The following NBAS variants were observed in gnomAD, a reference collection of about 807,000 sequenced individuals.
The protein encoded by NBAS is NAG/BC035112 fusion.
A neutral mutation model predicts 302.5 loss-of-function variants in NBAS; 219 were observed. The ratio of observed to expected loss-of-function variants is 0.72; its 90% CI spans 0.65 to 0.81. NBAS has a LOEUF of 0.81. Ranked by LOEUF, NBAS falls within the 30% of genes least tolerant of loss-of-function variation. The probability of loss-of-function intolerance (pLI) is 0.00; values close to 1 mark genes in which losing one functional copy is unlikely to be tolerated. For missense variants in NBAS, 2,932 were observed against 2,841.6 expected (o/e 1.03, Z -0.72); for synonymous variants, 1,118 against 1,021.6 (o/e 1.09, Z -1.80).
Position 15,234,565 on chromosome 2 carries a change from C to T in NBAS, c.6126G>A (p.Met2042Ile). ...CTTACCTCAATGCAGAAATTATTTT[C>T]ATGATTGCACTCTGCACTATATCCT... ...SPKDIVQSAIMKIISALSGGS... is the reference protein window; with the variant it reads ...SPKDIVQSAIIKIISALSGGS... Residue 2042 changes from methionine to isoleucine, a missense_variant, in exon 46 of 52, where the codon ATG becomes ATA. Coordinates refer to ENST00000281513, the MANE Select transcript of NBAS (RefSeq NM_015909.4). 3 of 1,614,020 alleles carry T rather than the reference C, an allele frequency of 1.9e-6. No homozygotes were observed. The highest frequency in any genetic ancestry group is 2.5e-6 in the Non-Finnish European group (3 of 1,179,986).
chr2:15,453,034 A>T (rs888535752), intron 21 of NBAS, among the ~76,000 whole-genome samples: 3 of 152,212 alleles, frequency 2.0e-5, no homozygotes, highest in Admixed American at 2.0e-4. Flanking sequence ...TGGTCACTAG[A>T]AGGGTGAGTG....
the NBAS span, among the ~76,000 whole-genome samples, chr2:15,086,916 G>A: frequency 6.6e-6 from 1 of 152,170 alleles, no homozygotes; most frequent in Admixed American, 6.5e-5. Flanking sequence ...CCTTCCTAAT[G>A]TGGGTGGGCC....
chr2:15,258,324 A>G (rs1161763495), intron 44 of NBAS, among the ~76,000 whole-genome samples: 1 of 152,188 alleles, frequency 6.6e-6, no homozygotes, highest in Admixed American at 6.5e-5. Context: ...GAAAATGAAC[A>G]GAATAATAGC....
the NBAS span, among the ~76,000 whole-genome samples, chr2:14,869,072 T>G: frequency 3.9e-5 from 6 of 152,198 alleles, no homozygotes; most frequent in Non-Finnish European, 1.5e-5. Flanking sequence ...TCTACTTTTG[T>G]GGTCCTCGCA....
At chr2:15,034,037 A>AAGAAGAAGAAGAAGAAGAAGAAGAAGG in the NBAS span, among the ~76,000 whole-genome samples, 3 of 42,022 alleles carry the variant, frequency 7.1e-5, no homozygotes, top group Admixed American at 3.2e-4. Context: ...GAGGAGGAGG[A>AAGAAGAAGAAGAAGAAGAAGAAGAAGG]AGGAGGAGGA....
At chr2:15,325,338 C>G (rs1407275171) in intron 38 of NBAS, among the ~76,000 whole-genome samples, 1 of 151,984 alleles carries the variant, frequency 6.6e-6, no homozygotes, top group Non-Finnish European at 1.5e-5. Context: ...AACATTATGT[C>G]TAGAAAACCA....
chr2:15,454,270 T>C (rs999066256), intron 21 of NBAS, among the ~76,000 whole-genome samples: 2 of 152,176 alleles, frequency 1.3e-5, no homozygotes, highest in African/African-American at 2.4e-5. Flanking sequence ...TCAGTAAACA[T>C]ATAATTGTCA....
chr2:15,244,847 C>T (rs1281934766), intron 44 of NBAS, among the ~76,000 whole-genome samples: 2 of 152,146 alleles, frequency 1.3e-5, no homozygotes, highest in African/African-American at 4.8e-5. Context: ...CACATCTTAT[C>T]CGCTTCTCTA....
At position 15,474,216 on chromosome 2, in the gene NBAS, G is replaced by A. The variant is rs145177445; in HGVS notation, c.1450C>T (p.Arg484Cys). 62 of 1,614,036 alleles carry A rather than the reference G, an allele frequency of 3.8e-5. No individual in the cohort carries two copies. The highest frequency in any genetic ancestry group is 3.6e-4 in the African/African-American group (27 of 74,994). ...DSDYEISAKARYFGYIKQGLY... is the reference protein window; with the variant it reads ...DSDYEISAKACYFGYIKQGLY... Reference sequence around the variant, plus strand: ...CCCTGTTTTATATAACCAAAGTAGCGAGCCTTGGCAGATATTTCATAATCA... The same window carrying A: ...CCCTGTTTTATATAACCAAAGTAGCAAGCCTTGGCAGATATTTCATAATCA... Residue 484 changes from arginine (R) to cysteine (C), a missense_variant, in exon 15 of 52, where the codon CGC becomes TGC. Transcript: ENST00000281513.
chr2:14,916,847 C>A, the NBAS span, among the ~76,000 whole-genome samples: 2 of 152,194 alleles, frequency 1.3e-5, no homozygotes, highest in African/African-American at 2.4e-5. Context: ...GGATCACATG[C>A]ACAATGTTTG....
intron 21 of NBAS, among the ~76,000 whole-genome samples, chr2:15,430,981 T>C (rs1677737778): frequency 6.6e-6 from 1 of 151,958 alleles, no homozygotes; most frequent in Non-Finnish European, 1.5e-5. Flanking sequence ...GCTAATTTTT[T>C]TTTTTTTTAG....
the NBAS span, among the ~76,000 whole-genome samples, chr2:14,854,646 A>G: frequency 2.9e-4 from 44 of 152,262 alleles, no homozygotes; most frequent in Admixed American, 2.9e-3. Context: ...GAAAACACAG[A>G]AATTGTGAGC....
intron 21 of NBAS, among the ~76,000 whole-genome samples, chr2:15,436,346 C>G (rs1678014410): frequency 6.6e-6 from 1 of 152,168 alleles, no homozygotes; most frequent in African/African-American, 2.4e-5. Flanking sequence ...GTACTTTATA[C>G]TCCCAGCACC....
At chr2:14,950,531 C>T in the NBAS span, among the ~76,000 whole-genome samples, 1 of 152,112 alleles carries the variant, frequency 6.6e-6, no homozygotes, top group East Asian at 1.9e-4. Context: ...ACTATGTACA[C>T]CTATTATGCA....
chr2:15,301,938 T>C lies in NBAS; in HGVS notation c.4797+6278A>G, dbSNP rs754305838. On this transcript the variant is annotated intron_variant, in intron 40 of 51. Transcript: ENST00000281513. ...CAGAGCATGCTGGGGCAACGGGAGA[T>C]CCTGAAGGATTTTGGGTGGAGAGGA... Among the ~76,000 whole-genome samples the C allele has an allele frequency of 4.6e-5, 7 of 151,982 alleles. No individual in the cohort carries two copies. The East Asian group carries it at 1.3e-3, about 29-fold the overall frequency.
the NBAS span, among the ~76,000 whole-genome samples, chr2:14,927,675 G>T: frequency 6.6e-6 from 1 of 152,194 alleles, no homozygotes; most frequent in African/African-American, 2.4e-5. Flanking sequence ...CACTAGCAAT[G>T]TACAGAGATT....
chr2:15,427,803 T>TA lies in NBAS; in HGVS notation c.2340-10dup, dbSNP rs142040693. The TA allele has an allele frequency of 2.3e-3, 3,671 of 1,585,852 alleles. 64 individuals are homozygous for TA. In the East Asian group the frequency reaches 0.046, roughly 20 times the overall value. On this transcript the variant is annotated splice_polypyrimidine_tract_variant and intron_variant, in intron 21 of 51. Coordinates refer to ENST00000281513, the MANE Select transcript of NBAS (RefSeq NM_015909.4). ...GGGAGTCACCGTTAAAACTCAAATT[T>TA]AAAAAAAAATAAGTGTTTAAAATTC...
At chr2:14,928,906 C>G in the NBAS span, among the ~76,000 whole-genome samples, 1 of 152,128 alleles carries the variant, frequency 6.6e-6, no homozygotes, top group African/African-American at 2.4e-5. Context: ...CAATAGAGAC[C>G]TGGATTGAAG....
the NBAS span, among the ~76,000 whole-genome samples, chr2:14,884,160 T>TGATG: frequency 6.6e-6 from 1 of 152,080 alleles, no homozygotes; most frequent in East Asian, 1.9e-4. Context: ...ATCCTTCTCA[T>TGATG]GATGGCAAGC....
Sources: allele counts gnomAD v4.1 joint callset (sites outside exome capture counted in the v4.1 genomes callset), GRCh38; gene constraint gnomAD v4.1.1; transcripts MANE v1.5; gene names NCBI Gene and HGNC (gene_info 2026-07-23, HGNC 2026-07-21).